DDX19B: variants seen among roughly 807,000 people sequenced by gnomAD.
DDX19B encodes the protein DEAD-box helicase 19B, also known as ATP-dependent RNA helicase DDX19B.
In DDX19B, 27 loss-of-function variants were observed where a neutral mutation model predicts 58.1. The observed-to-expected ratio is 0.46, with a 90% CI of 0.34 to 0.64. The LOEUF (loss-of-function observed/expected upper bound fraction) is 0.64, where lower values mean the gene tolerates loss of function less well. Ranked by LOEUF, DDX19B falls within the 30% of genes least tolerant of loss-of-function variation. DDX19B has a pLI of 0.01. For missense variants in DDX19B, 399 were observed against 596.5 expected (o/e 0.67, Z 3.45); for synonymous variants, 187 against 214.4 (o/e 0.87, Z 1.12).
chr16:70,290,343 C>T (rs1014080564), upstream of DDX19B, among the ~76,000 whole-genome samples: 2 of 152,050 alleles, frequency 1.3e-5, no homozygotes, highest in Non-Finnish European at 2.9e-5. Context: ...CGAGAGCATC[C>T]TGGCCAACAT....
At position 70,325,713 on chromosome 16, in the gene DDX19B, A is replaced by G. The variant is rs551039117; in HGVS notation, c.607+25A>G. The G allele has an allele frequency of 8.0e-6, 12 of 1,493,522 alleles. No individual in the cohort carries two copies. The South Asian group carries it at 9.1e-5, about 11-fold the overall frequency. The allele number at this position is 1,493,522 out of a possible 1,614,324, so 92.5% of individuals were successfully genotyped here. ...TGTGAGTATGTGAATTTGGTCCTAA[A>G]TCATCAACCTAATTCTTTTTATTTT... On this transcript the variant is annotated intron_variant, in intron 7 of 11. Coordinates refer to ENST00000288071, the MANE Select transcript of DDX19B (RefSeq NM_007242.7).
rs898162199 is a variant in DDX19B at position 70,332,807 on chromosome 16, T to C, written c.1187-161T>C. 2.6e-5 allele frequency among the ~76,000 whole-genome samples: 4 copies of C among 152,198 alleles called. No homozygotes were observed. In the East Asian group the frequency reaches 7.7e-4, roughly 29 times the overall value. On this transcript the variant is annotated intron_variant, in intron 10 of 11. Transcript: ENST00000288071. ...TTGGGGCATCATCTGAATCTCATAC[T>C]GCACGGCCTTTCAGATCTGGCTTCC...
At chr16:70,322,239 G>A (rs1401511490) in intron 5 of DDX19B, among the ~76,000 whole-genome samples, 1 of 151,900 alleles carries the variant, frequency 6.6e-6, no homozygotes, top group African/African-American at 2.4e-5. Context: ...TAACTACAAG[G>A]GGCAACAGAT....
chr16:70,313,143 C>T (rs751868643), intron 2 of DDX19B, among the ~76,000 whole-genome samples: 10 of 150,006 alleles, frequency 6.7e-5, no homozygotes, highest in African/African-American at 2.2e-4. Flanking sequence ...CTCAGCCTCC[C>T]GGGTAGCTGG....
chr16:70,314,191 A>G (rs1962242242), intron 2 of DDX19B, among the ~76,000 whole-genome samples: 2 of 152,126 alleles, frequency 1.3e-5, no homozygotes, highest in South Asian at 2.1e-4. Flanking sequence ...TTTTAATGGC[A>G]TTATTGTGTT....
chr16:70,311,837 C>A (rs1567627534), intron 1 of DDX19B, among the ~76,000 whole-genome samples: 1 of 151,408 alleles, frequency 6.6e-6, no homozygotes, highest in Non-Finnish European at 1.5e-5. Context: ...CTTTTCTTTT[C>A]TTTTCTTTTC....
chr16:70,318,064 C>CAA (rs549888922), intron 5 of DDX19B: 34 of 73,750 alleles, frequency 4.6e-4, no homozygotes, highest in East Asian at 1.3e-3. Flanking sequence ...GACTTTGTCT[C>CAA]AAAAAAAAAA....
At chr16:70,295,054 C>T (rs1260460461), upstream of DDX19B, 33 of 1,293,412 alleles carry the variant, frequency 2.6e-5, no homozygotes, top group East Asian at 2.5e-4. Flanking sequence ...ATCTAGAATC[C>T]GCCATCTGTG....
chr16:70,297,878 A>G (rs1254201546), upstream of DDX19B, among the ~76,000 whole-genome samples: 1 of 152,128 alleles, frequency 6.6e-6, no homozygotes, highest in Non-Finnish European at 1.5e-5. Context: ...GTGCGACGAC[A>G]CCTGGCTAAT....
chr16:70,330,345 G>A (rs1003756398), intron 9 of DDX19B, among the ~76,000 whole-genome samples: 5 of 152,204 alleles, frequency 3.3e-5, no homozygotes. Context: ...CCTGCACTTT[G>A]GGAGGCCAAG....
At chr16:70,311,155 C>T (rs1471799031) in intron 1 of DDX19B, among the ~76,000 whole-genome samples, 1 of 151,818 alleles carries the variant, frequency 6.6e-6, no homozygotes, top group South Asian at 2.1e-4. Flanking sequence ...AGGCGGATCA[C>T]GAGGTCAGGA....
At chr16:70,329,062 A>C (rs1425785972) in intron 7 of DDX19B, among the ~76,000 whole-genome samples, 5 of 150,720 alleles carry the variant, frequency 3.3e-5, no homozygotes, top group African/African-American at 1.2e-4. Context: ...AAAAATACAA[A>C]AAAAAAAAAA....
At position 70,316,584 on chromosome 16, in the gene DDX19B, G is replaced by A. The variant is rs557238856; in HGVS notation, c.296+480G>A. ...TAATCCCAGCACTTTTGGAGGCCAAGGTGAGAGGATCACTTGAGGCCAGGA... is the reference window on the plus strand; with the variant it reads ...TAATCCCAGCACTTTTGGAGGCCAAAGTGAGAGGATCACTTGAGGCCAGGA... On this transcript the variant is annotated intron_variant, in intron 4 of 11. Transcript: ENST00000288071. 7.8e-3 allele frequency among the ~76,000 whole-genome samples: 1,188 copies of A among 152,306 alleles called. 8 individuals carry two copies. The highest frequency in any genetic ancestry group is 0.013 in the Non-Finnish European group (885 of 68,018).
At position 70,324,629 on chromosome 16, in the gene DDX19B, C is replaced by T. The variant is rs1012426791; in HGVS notation, c.434C>T (p.Thr145Ile). 1 of 1,613,826 alleles carries T rather than the reference C, an allele frequency of 6.2e-7. No homozygotes were observed. Among genetic ancestry groups the T allele is most frequent in the Non-Finnish European group, 8.5e-7 (1 of 1,179,988 alleles). Reference sequence around the variant, plus strand: ...CAATCTCAGTCTGGTACTGGTAAAACAGCTGCCTTCGTGCTGGCCATGCTT... The same window carrying T: ...CAATCTCAGTCTGGTACTGGTAAAATAGCTGCCTTCGTGCTGGCCATGCTT... ...IAQSQSGTGK[T>I]AAFVLAMLSQ... The change falls in exon 6 of 12, where the codon ACA (threonine) becomes ATA (isoleucine). Residue 145 changes from threonine (T) to isoleucine (I), a missense_variant. Around this residue, in one of 4 missense-constraint regions of DDX19B, gnomAD observed 2 missense variants for 16.9 expected, o/e 0.12. Transcript: ENST00000288071.
At chr16:70,290,975 C>T (rs187212964), upstream of DDX19B, among the ~76,000 whole-genome samples, 1 of 152,228 alleles carries the variant, frequency 6.6e-6, no homozygotes, top group Non-Finnish European at 1.5e-5. Flanking sequence ...GGTCATAACT[C>T]AAGTTACAGA....
chr16:70,322,353 T>G (rs981688045), intron 5 of DDX19B, among the ~76,000 whole-genome samples: 1 of 151,724 alleles, frequency 6.6e-6, no homozygotes, highest in African/African-American at 2.4e-5. Context: ...GACTCTGGAA[T>G]GCTGAAGTGG....
intron 9 of DDX19B, among the ~76,000 whole-genome samples, chr16:70,330,348 A>G (rs1963421230): frequency 6.6e-6 from 1 of 152,190 alleles, no homozygotes; most frequent in Admixed American, 6.5e-5. Context: ...GCACTTTGGG[A>G]GGCCAAGGCG....
chr16:70,289,877 T>C (rs1291153752), upstream of DDX19B: 1 of 386,982 alleles, frequency 2.6e-6, no homozygotes, highest in African/African-American at 2.1e-5. Flanking sequence ...AGGTTACATA[T>C]CTTGCTATAG....
At chr16:70,327,712 G>T (rs1963246853) in intron 7 of DDX19B, among the ~76,000 whole-genome samples, 1 of 152,048 alleles carries the variant, frequency 6.6e-6, no homozygotes, top group Non-Finnish European at 1.5e-5. Context: ...TTGTTTAATT[G>T]CCTAATTTAT....
Sources: allele counts gnomAD v4.1 joint callset (sites outside exome capture counted in the v4.1 genomes callset), GRCh38; gene constraint gnomAD v4.1.1; regional missense constraint gnomAD v4.1.1; transcripts MANE v1.5; gene names NCBI Gene and HGNC (gene_info 2026-07-23, HGNC 2026-07-21).